Variants in RNF40 observed in about 807,000 individuals in gnomAD.
RNF40 encodes the protein ring finger protein 40.
A neutral mutation model predicts 123.3 loss-of-function variants in RNF40; 39 were observed. The ratio of observed to expected loss-of-function variants is 0.32; its 90% CI spans 0.24 to 0.41. RNF40 has a LOEUF of 0.41. RNF40 is among the 10% of genes least tolerant of loss of function. The pLI is 1.00. For missense variants in RNF40, 1,003 were observed against 1,319.9 expected, an observed-to-expected ratio of 0.76 and a Z score of 3.72; for synonymous variants, 538 against 526.0, an observed-to-expected ratio of 1.02 and a Z score of -0.31.
intron 4 of RNF40, 31 bp from the exon 5 acceptor site, chr16:30,764,148 A>G (rs780308911): frequency 6.3e-7 from 1 of 1,575,270 alleles, no homozygotes; most frequent in Non-Finnish European, 8.7e-7. Flanking sequence ...TGCTGCTCTT[A>G]TCCTCATGAG....
chr16:30,761,991 G>T (rs62057185), upstream of RNF40: 1 of 550,898 alleles, frequency 1.8e-6, no homozygotes, highest in Non-Finnish European at 3.2e-6. Flanking sequence ...CAGTGGGAGC[G>T]AAGAGAACGC....
intron 11 of RNF40, among the ~76,000 whole-genome samples, chr16:30,767,190 T>C (rs945411147): frequency 5.3e-5 from 8 of 152,214 alleles, no homozygotes; most frequent in African/African-American, 1.9e-4. Context: ...TGAGCCAGGC[T>C]CTGTTCTAGG....
chr16:30,765,139 C>A (rs747560462), intron 6 of RNF40, 42 bp from the exon 7 acceptor site: 2 of 1,611,790 alleles, frequency 1.2e-6, no homozygotes, highest in East Asian at 2.2e-5. Context: ...ACCTCAGGAA[C>A]CAAGTCCCCC....
rs1567290883 is a variant in RNF40 at position 30,775,560 on chromosome 16, G to C, written c.*1446G>C. 1 of 164,196 alleles carries C rather than the reference G, an allele frequency of 6.1e-6. No individual in the cohort carries two copies. The highest frequency in any genetic ancestry group is 1.3e-5 in the Non-Finnish European group (1 of 75,084). 10.2% of individuals were successfully genotyped at this position (164,196 alleles called of 1,614,324 possible). A position where few individuals can be genotyped will look rare whatever the true frequency, so the allele number is the denominator to read the frequency against. On this transcript the variant is annotated 3_prime_UTR_variant, in exon 20 of 20. Transcript: ENST00000324685. ...TGGATCCTGCGGACCGCTTCTCAGC[G>C]GCTTCACCCCCACACCACTCGAATG...
rs768939024 is a variant in RNF40, at chr16:30,766,855, C to G, written c.1408C>G (p.Leu470Val). Residue 470 changes from leucine to valine, a missense_variant, in exon 11 of 20, where the codon CTG becomes GTG. Transcript: ENST00000324685. The surrounding 1 kb of genome is among the most constrained non-coding windows in gnomAD (Gnocchi z 5.4). ...GCTGCGCATCGAGTTTGAGCAGAAT[C>G]TGGCGGCCAACGAGCAGGCGGGTAT... ...EMLRIEFEQN[L>V]AANEQAGPIN... 6.2e-7 allele frequency: 1 copy of G among 1,613,500 alleles called. No homozygotes were observed.
In RNF40 at chr16:30,762,488, C is replaced by T; in HGVS notation, c.-58C>T. 2 of 1,509,614 alleles carry T rather than the reference C, an allele frequency of 1.3e-6. No homozygotes were observed. Among genetic ancestry groups the T allele is most frequent in the Non-Finnish European group, 8.8e-7 (1 of 1,137,220 alleles). 93.5% of individuals were successfully genotyped at this position (1,509,614 alleles called of 1,614,324 possible). On this transcript the variant is annotated 5_prime_UTR_variant, in exon 2 of 20. Coordinates refer to ENST00000324685, the MANE Select transcript of RNF40 (RefSeq NM_014771.4). ...TGTCTTCTGCAGGTGACGGAAGTAC[C>T]GCCTCCTCCCGTTTGACGCCCCTCA...
Position 30,772,111 on chromosome 16 carries a change from G to A in RNF40, c.2750G>A (p.Arg917His). 1 of 1,558,268 alleles carries A rather than the reference G, an allele frequency of 6.4e-7. No homozygotes were observed. The highest frequency in any genetic ancestry group is 2.4e-5 in the East Asian group (1 of 41,242). Residue 917 changes from arginine (R) to histidine (H), a missense_variant, in exon 19 of 20, where the codon CGC (arginine) becomes CAC (histidine). Transcript: ENST00000324685. ...CAGGAGGACATCTCACGGCTGCGGC[G>A]CAAGCTGGAAAAGCAGAGGAAGGTG... ...RAQEDISRLR[R>H]KLEKQRKVEV...
rs750414490 is a variant in RNF40 at position 30,768,125 on chromosome 16, C to T, written c.1574C>T (p.Ser525Phe). The T allele has an allele frequency of 4.4e-6, 7 of 1,608,232 alleles. No individual in the cohort carries two copies. The Admixed American group carries it at 5.0e-5, about 12-fold the overall frequency. ...CAGCTCCGGGCCCAGGCCAGTGGCTCTGCCCACTCCACCCCCAACCTGGGC... is the reference window on the plus strand; with the variant it reads ...CAGCTCCGGGCCCAGGCCAGTGGCTTTGCCCACTCCACCCCCAACCTGGGC... ...IGKLRAQASG[S>F]AHSTPNLGHP... is the part of the protein sequence containing the mutation. Residue 525 changes from serine (S) to phenylalanine (F), a missense_variant, in exon 13 of 20, where the codon TCT becomes TTT. By Grantham distance (155) the Ser-to-Phe change is radical. This residue lies in a region of RNF40 where 295 missense variants were observed against 331.7 expected (regional missense o/e 0.89). Transcript: ENST00000324685. The surrounding 1 kb of genome is among the most constrained non-coding windows in gnomAD (Gnocchi z 4.1).
intron 17 of RNF40, among the ~76,000 whole-genome samples, chr16:30,770,985 C>T (rs951958247): frequency 3.1e-4 from 47 of 152,130 alleles, no homozygotes; most frequent in African/African-American, 1.1e-3. Flanking sequence ...GTTGGGATTA[C>T]AAGTGTGAGC....
chr16:30,762,148 A>C (rs1258271730), upstream of RNF40: 1 of 317,012 alleles, frequency 3.2e-6, no homozygotes, highest in African/African-American at 2.2e-5. Context: ...TCACCGAGAG[A>C]AAGAGGAGGT....
intron 17 of RNF40, among the ~76,000 whole-genome samples, chr16:30,770,708 G>T (rs1220112938): frequency 1.3e-5 from 2 of 152,026 alleles, no homozygotes; most frequent in Non-Finnish European, 2.9e-5. Flanking sequence ...TATGTTTGTG[G>T]TTTTTTTGTT....
Position 30,765,581 on chromosome 16 carries a change from A to G in RNF40, c.993+82A>G, listed in dbSNP as rs1380618451. 6.2e-6 allele frequency: 8 copies of G among 1,286,388 alleles called. No individual in the cohort carries two copies. In the East Asian group the frequency reaches 2.0e-4, roughly 31 times the overall value. 79.7% of individuals were successfully genotyped at this position (1,286,388 alleles called of 1,614,324 possible). On this transcript the variant is annotated intron_variant, in intron 8 of 19. Coordinates refer to ENST00000324685, the MANE Select transcript of RNF40 (RefSeq NM_014771.4). Reference sequence around the variant, plus strand: ...AAATTCCCCTCAGGACAAAGGACAAACATCCATCTCTGAGGCCCTTCCTGG... The same window carrying G: ...AAATTCCCCTCAGGACAAAGGACAAGCATCCATCTCTGAGGCCCTTCCTGG...
At chr16:30,772,028 C>T in intron 18 of RNF40, 55 bp downstream of exon 18, 8 of 1,587,818 alleles carry the variant, frequency 5.0e-6, no homozygotes, top group Non-Finnish European at 6.9e-6. Flanking sequence ...CGGACCTATC[C>T]TGGGGGCAAG....
At position 30,774,211 on chromosome 16, in the gene RNF40, G is replaced by T. The variant is rs907225621; in HGVS notation, c.*97G>T. On this transcript the variant is annotated 3_prime_UTR_variant, in exon 20 of 20. Transcript: ENST00000324685. ...GTCTAGTGGCCCCACCCTCCATTCC[G>T]GACCCCATGGGCCCAGCCCCTGCCC... is the stretch of plus-strand genomic sequence containing the variant. 7.7e-7 allele frequency: 1 copy of T among 1,297,532 alleles called. No homozygotes were observed. The highest frequency in any genetic ancestry group is 1.5e-5 in the African/African-American group (1 of 67,424). 80.4% of individuals were successfully genotyped at this position (1,297,532 alleles called of 1,614,324 possible).
intron 11 of RNF40, chr16:30,767,543 G>C (rs571446128): frequency 1.4e-4 from 28 of 197,538 alleles, no homozygotes; most frequent in Non-Finnish European, 2.3e-4. Flanking sequence ...GGTGATTCAT[G>C]TCTGTAATCC....
At position 30,763,138 on chromosome 16, in the gene RNF40, A is replaced by C. The variant is rs1366615850; in HGVS notation, c.153A>C (p.Val51=). 1 of 1,613,832 alleles carries C rather than the reference A, an allele frequency of 6.2e-7. No homozygotes were observed. Among genetic ancestry groups the C allele is most frequent in the Admixed American group, 1.7e-5 (1 of 59,998 alleles). ...ISSTEEMDLK[V]LQFKNKKLAE... is the part of the protein sequence containing the mutation. ...GGTAGGAGGAGATGGACCTGAAGGT[A>C]CTACAGTTCAAGAACAAGAAACTGG... The change falls in exon 3 of 20, where the codon GTA becomes GTC. Residue 51 remains valine, a synonymous_variant. Transcript: ENST00000324685.
chr16:30,769,031 C>T (rs1339935222), intron 15 of RNF40, 44 bp downstream of exon 15: 2 of 1,611,316 alleles, frequency 1.2e-6, no homozygotes, highest in Non-Finnish European at 1.7e-6. Context: ...CAGGGAGTTC[C>T]CTTCATACCC....
chr16:30,767,762 A>C (rs962624431), intron 11 of RNF40, 132 bp from the exon 12 acceptor site: 1 of 1,209,188 alleles, frequency 8.3e-7, no homozygotes, highest in Non-Finnish European at 1.2e-6. Context: ...TGATGAGTTC[A>C]TGCTCCGTTG....
chr16:30,775,017 G>C lies in RNF40; in HGVS notation c.*903G>C, dbSNP rs1253277368. ...AGCTTCCCCCTGACACCCTGTGACT[G>C]AGCCTGTGTCCTGTCTGCCTGCCCA... is the stretch of plus-strand genomic sequence containing the variant. On this transcript the variant is annotated 3_prime_UTR_variant, in exon 20 of 20. Transcript: ENST00000324685. 1 of 456,412 alleles carries C rather than the reference G, an allele frequency of 2.2e-6. No homozygotes were observed. Among genetic ancestry groups the C allele is most frequent in the African/African-American group, 2.0e-5 (1 of 50,090 alleles). 28.3% of individuals were successfully genotyped at this position (456,412 alleles called of 1,614,324 possible). A position where few individuals can be genotyped will look rare whatever the true frequency, so the allele number is the denominator to read the frequency against.
Sources: gnomAD v4.1 joint callset for allele counts (sites outside exome capture counted in the v4.1 genomes callset) on GRCh38, gnomAD v4.1.1 for gene constraint, gnomAD v4.1.1 regional missense constraint, Gnocchi (gnomAD v3.1) non-coding constraint, MANE v1.5 for transcripts, NCBI Gene and HGNC (gene_info 2026-07-23, HGNC 2026-07-21) for gene names.